The following RNF4 variants were observed in gnomAD, a reference collection of about 807,000 sequenced individuals.
RNF4 encodes ring finger protein 4, also known as E3 ubiquitin-protein ligase RNF4.
Under a neutral mutation model 24.3 loss-of-function variants are expected in RNF4, and 7 were observed. The ratio of observed to expected loss-of-function variants is 0.29; its 90% CI spans 0.16 to 0.54. The LOEUF (loss-of-function observed/expected upper bound fraction) is 0.54, where lower values mean the gene tolerates loss of function less well. Ranked by LOEUF, RNF4 falls within the 20% of genes least tolerant of loss-of-function variation. The pLI is 0.95. For synonymous variants in RNF4, 83 were observed against 84.3 expected (o/e 0.98, Z 0.09); for missense variants, 209 against 248.5 (o/e 0.84, Z 1.07).
chr4:2,477,944 A>C (rs1163486556), intron 1 of RNF4, among the ~76,000 whole-genome samples: 10 of 152,182 alleles, frequency 6.6e-5, no homozygotes, highest in Non-Finnish European at 1.5e-4. Flanking sequence ...AATGTGGGAA[A>C]GTTTGGAACT....
chr4:2,488,476 A>C (rs77578279), intron 1 of RNF4, among the ~76,000 whole-genome samples: 2,502 of 152,182 alleles, frequency 0.016, 49 homozygotes, highest in African/African-American at 0.037. Flanking sequence ...ACAACAACAA[A>C]AAAAAACTGA....
chr4:2,503,825 G>T (rs371267361), intron 4 of RNF4, among the ~76,000 whole-genome samples: 2 of 152,264 alleles, frequency 1.3e-5, no homozygotes, highest in Admixed American at 6.5e-5. Context: ...TACCAGTTCC[G>T]CCAGGACCTG....
At chr4:2,493,314 G>T (rs1023410715) in intron 2 of RNF4, among the ~76,000 whole-genome samples, 2 of 152,070 alleles carry the variant, frequency 1.3e-5, no homozygotes, top group Non-Finnish European at 2.9e-5. Flanking sequence ...GATAGAGCAG[G>T]CAGAAAAGAG....
intron 4 of RNF4, among the ~76,000 whole-genome samples, chr4:2,509,049 G>A (rs1736190224): frequency 6.7e-6 from 1 of 149,954 alleles, no homozygotes; most frequent in East Asian, 2.0e-4. Context: ...ATCCCAAGTA[G>A]CTGGGATTAC....
At chr4:2,509,591 T>C (rs986922375) in intron 4 of RNF4, among the ~76,000 whole-genome samples, 2 of 152,106 alleles carry the variant, frequency 1.3e-5, no homozygotes, top group African/African-American at 2.4e-5. Flanking sequence ...ACAGTCAGAA[T>C]TGTTACCAGT....
intron 1 of RNF4, among the ~76,000 whole-genome samples, chr4:2,486,279 T>C (rs1246840468): frequency 6.6e-6 from 1 of 152,218 alleles, no homozygotes; most frequent in Admixed American, 6.5e-5. Flanking sequence ...TCTTATTCCA[T>C]TGGACTCTCA....
rs1156245939 is a variant in RNF4, at chr4:2,513,673, G to A, written c.427G>A (p.Val143Met). The A allele has an allele frequency of 1.4e-5, 22 of 1,613,782 alleles. No individual in the cohort carries two copies. The highest frequency in any genetic ancestry group is 1.8e-5 in the Non-Finnish European group (21 of 1,179,894). Residue 143 changes from valine to methionine, a missense_variant, in exon 8 of 8, where the codon GTG becomes ATG. By Grantham distance (21) the Val-to-Met change is conservative. Transcript: ENST00000314289. ...PICMDGYSEI[V>M]QNGRLIVSTE... ...TCTTCTTTTTAATGCCTTCTAGATC[G>A]TGCAGAATGGACGTCTCATCGTTTC... is the stretch of plus-strand genomic sequence containing the variant.
At chr4:2,496,882 C>G in intron 2 of RNF4, 125 bp from the exon 3 acceptor site, 2 of 621,370 alleles carry the variant, frequency 3.2e-6, no homozygotes, top group Non-Finnish European at 2.8e-6. Context: ...TTGAAAGGAG[C>G]CCTAACTTCA....
intron 2 of RNF4, among the ~76,000 whole-genome samples, chr4:2,492,713 C>A (rs753320510): frequency 2.0e-5 from 3 of 152,132 alleles, no homozygotes; most frequent in Non-Finnish European, 2.9e-5. Context: ...TCTGTTACTT[C>A]CTGGCCGCCA....
chr4:2,484,510 T>G (rs930214590), intron 1 of RNF4, among the ~76,000 whole-genome samples: 1 of 152,044 alleles, frequency 6.6e-6, no homozygotes, highest in Non-Finnish European at 1.5e-5. Context: ...TTAGAATTTT[T>G]CAACTTATGA....
intron 2 of RNF4, among the ~76,000 whole-genome samples, chr4:2,495,102 G>A (rs1735693814): frequency 6.6e-6 from 1 of 152,200 alleles, no homozygotes; most frequent in African/African-American, 2.4e-5. Flanking sequence ...GCTCCCTTGA[G>A]GCCAAGAGCA....
At chr4:2,474,322 G>A (rs554624175) in intron 1 of RNF4, among the ~76,000 whole-genome samples, 10 of 150,446 alleles carry the variant, frequency 6.6e-5, no homozygotes, top group East Asian at 5.9e-4. Context: ...AGGTTGCAGC[G>A]AGCCGAAATC....
Position 2,513,960 on chromosome 4 carries a change from C to A in RNF4, c.*141C>A. On this transcript the variant is annotated 3_prime_UTR_variant, in exon 8 of 8. Transcript: ENST00000314289. ...ATGTAAACTGCTCTTTTGTTTCCAA[C>A]CCCTTCCTTTTGTTATCTCCAGTTT... The A allele has an allele frequency of 2.6e-6, 3 of 1,139,860 alleles. No individual in the cohort carries two copies. In the Admixed American group the frequency reaches 6.2e-5, roughly 24 times the overall value. 70.6% of individuals were successfully genotyped at this position (1,139,860 alleles called of 1,614,324 possible). A position where few individuals can be genotyped will look rare whatever the true frequency, so the allele number is the denominator to read the frequency against.
At position 2,515,782 on chromosome 4, in the gene RNF4, A is replaced by G. The variant is rs1438076073; in HGVS notation, c.*1963A>G. 2 of 152,640 alleles carry G rather than the reference A, an allele frequency of 1.3e-5. No individual in the cohort carries two copies. Among genetic ancestry groups the G allele is most frequent in the African/African-American group, 4.8e-5 (2 of 41,468 alleles). 9.5% of individuals were successfully genotyped at this position (152,640 alleles called of 1,614,324 possible). ...TCTTTCTTTGTTACATTTAAACTAT[A>G]TCCATGGATATCAGTCTGCTTTGGA... On this transcript the variant is annotated 3_prime_UTR_variant, in exon 8 of 8. Coordinates refer to ENST00000314289, the MANE Select transcript of RNF4 (RefSeq NM_002938.5).
chr4:2,500,572 A>ATT (rs55745322), intron 3 of RNF4, 87 bp from the exon 4 acceptor site: 1,157,869 of 1,345,788 alleles, frequency 0.86, 499,489 homozygotes, highest in African/African-American at 0.93. Context: ...GTAAGCCTAT[A>ATT]ACATTAGCAG....
intron 1 of RNF4, among the ~76,000 whole-genome samples, chr4:2,483,072 TCTG>T (rs893583969): frequency 6.6e-6 from 1 of 152,248 alleles, no homozygotes; most frequent in African/African-American, 2.4e-5. Flanking sequence ...CTCCAGCCCT[TCTG>T]ATATAATACC....
intron 2 of RNF4, among the ~76,000 whole-genome samples, chr4:2,496,672 G>A (rs1735744850): frequency 6.6e-6 from 1 of 152,054 alleles, no homozygotes; most frequent in Non-Finnish European, 1.5e-5. Flanking sequence ...TGTTGGCCAG[G>A]CTGACCTTGA....
chr4:2,473,583 CG>C (rs1284255626), intron 1 of RNF4, among the ~76,000 whole-genome samples: 16 of 151,920 alleles, frequency 1.1e-4, no homozygotes, highest in Admixed American at 1.0e-3. Context: ...GAGGCCTAGG[CG>C]GGTGGATTAC....
At chr4:2,489,323 G>T (rs1735509894) in intron 1 of RNF4, among the ~76,000 whole-genome samples, 1 of 152,208 alleles carries the variant, frequency 6.6e-6, no homozygotes, top group Non-Finnish European at 1.5e-5. Context: ...TGGTAATGGT[G>T]CACAGGAGGA....
Sources: gnomAD v4.1 joint callset for allele counts (sites outside exome capture counted in the v4.1 genomes callset) on GRCh38, gnomAD v4.1.1 for gene constraint, MANE v1.5 for transcripts, NCBI Gene and HGNC (gene_info 2026-07-23, HGNC 2026-07-21) for gene names.